CDH10: variants seen among roughly 807,000 people sequenced by gnomAD.
CDH10 encodes cadherin 10.
In CDH10, 30 loss-of-function variants were observed where a neutral mutation model predicts 73.1. The ratio of observed to expected loss-of-function variants is 0.41; its 90% CI spans 0.31 to 0.56. The LOEUF (loss-of-function observed/expected upper bound fraction) is 0.56, where lower values mean the gene tolerates loss of function less well. CDH10 is among the 20% of genes least tolerant of loss of function. The pLI is 0.27. For synonymous variants in CDH10, 345 were observed against 348.2 expected, an observed-to-expected ratio of 0.99 and a Z score of 0.10; for missense variants, 815 against 973.7, an observed-to-expected ratio of 0.84 and a Z score of 2.17.
intron 2 of CDH10, among the ~76,000 whole-genome samples, chr5:24,585,774 A>G (rs1275478686): frequency 1.3e-5 from 2 of 152,076 alleles, no homozygotes; most frequent in African/African-American, 4.8e-5. Context: ...AAACATAATC[A>G]AAGGTCATTT....
At chr5:24,593,158 G>C in intron 2 of CDH10, 102 bp downstream of exon 2, 2 of 675,976 alleles carry the variant, frequency 3.0e-6, no homozygotes, top group Non-Finnish European at 5.2e-6. Context: ...GAGATTTAAA[G>C]AATCAGATTT....
intron 2 of CDH10, among the ~76,000 whole-genome samples, chr5:24,569,744 T>A (rs1745300031): frequency 6.6e-6 from 1 of 151,938 alleles, no homozygotes; most frequent in African/African-American, 2.4e-5. Flanking sequence ...TCAGTGTGAA[T>A]CTTTATGTGA....
At chr5:24,521,401 G>A (rs143866773) in intron 5 of CDH10, among the ~76,000 whole-genome samples, 1,835 of 152,176 alleles carry the variant, frequency 0.012, 38 homozygotes, top group African/African-American at 0.04. Flanking sequence ...AAAATTAGCC[G>A]GGCATGGTGG....
intron 2 of CDH10, among the ~76,000 whole-genome samples, chr5:24,558,847 C>T (rs1349906282): frequency 6.6e-6 from 1 of 151,764 alleles, no homozygotes; most frequent in Non-Finnish European, 1.5e-5. Flanking sequence ...TTTGCTGTGG[C>T]CTGCCAATAT....
intron 1 of CDH10, among the ~76,000 whole-genome samples, chr5:24,622,712 C>T (rs779205807): frequency 1.5e-4 from 23 of 152,004 alleles, no homozygotes; most frequent in Non-Finnish European, 2.9e-4. Context: ...AGCAGGGAGG[C>T]TCTCAATATT....
At chr5:24,581,932 A>C (rs1334928560) in intron 2 of CDH10, among the ~76,000 whole-genome samples, 8 of 152,234 alleles carry the variant, frequency 5.3e-5, no homozygotes, top group Admixed American at 5.2e-4. Context: ...GAGAATAAAA[A>C]AGATATTTTT....
At chr5:24,615,605 A>C (rs1249531543) in intron 1 of CDH10, among the ~76,000 whole-genome samples, 1 of 152,200 alleles carries the variant, frequency 6.6e-6, no homozygotes, top group Non-Finnish European at 1.5e-5. Flanking sequence ...CTTCCCTATA[A>C]ACTCCTACAT....
In CDH10 at chr5:24,538,800, T is replaced by C. The variant is rs919278600; in HGVS notation, c.232-1126A>G. On this transcript the variant is annotated intron_variant, in intron 2 of 11. Coordinates refer to ENST00000264463, the MANE Select transcript of CDH10 (RefSeq NM_006727.5). ...TGGACAGGCAGTTGCCAGATGGGTA[T>C]ACCTCCTGCCCTATATAGAATTCTT... Among the ~76,000 whole-genome samples the C allele has an allele frequency of 5.3e-5, 8 of 152,004 alleles. No homozygotes were observed. In the East Asian group the frequency reaches 1.4e-3, roughly 26 times the overall value.
intron 2 of CDH10, among the ~76,000 whole-genome samples, chr5:24,591,870 T>C (rs1247648677): frequency 6.6e-6 from 1 of 151,936 alleles, no homozygotes; most frequent in Non-Finnish European, 1.5e-5. Context: ...CATAAAGTAC[T>C]AGATGAAGGG....
intron 2 of CDH10, among the ~76,000 whole-genome samples, chr5:24,559,960 C>T (rs980983692): frequency 2.6e-5 from 4 of 152,010 alleles, no homozygotes; most frequent in Non-Finnish European, 4.4e-5. Flanking sequence ...TGACTTTATA[C>T]TATTTTGCTT....
intron 1 of CDH10, among the ~76,000 whole-genome samples, chr5:24,632,251 G>A (rs1747725730): frequency 6.6e-6 from 1 of 151,890 alleles, no homozygotes; most frequent in Non-Finnish European, 1.5e-5. Context: ...AAAAACCTTT[G>A]CCCTAAAATA....
intron 2 of CDH10, among the ~76,000 whole-genome samples, chr5:24,581,673 T>C (rs1221326552): frequency 6.6e-6 from 1 of 152,134 alleles, no homozygotes; most frequent in Non-Finnish European, 1.5e-5. Flanking sequence ...ATAGACATCC[T>C]GAAGAAACTA....
At chr5:24,543,237 A>C (rs1744222155) in intron 2 of CDH10, among the ~76,000 whole-genome samples, 3 of 152,192 alleles carry the variant, frequency 2.0e-5, no homozygotes, top group African/African-American at 7.2e-5. Context: ...CATTCAGAAT[A>C]TTGATACCAT....
At chr5:24,525,058 T>A (rs1241923714) in intron 5 of CDH10, among the ~76,000 whole-genome samples, 2 of 152,004 alleles carry the variant, frequency 1.3e-5, no homozygotes, top group Non-Finnish European at 2.9e-5. Context: ...GTAAGCGACT[T>A]TGGAGGAAAG....
chr5:24,509,135 T>C (rs1561130508), intron 7 of CDH10, among the ~76,000 whole-genome samples: 1 of 151,910 alleles, frequency 6.6e-6, no homozygotes, highest in Non-Finnish European at 1.5e-5. Flanking sequence ...CTCTTGTATC[T>C]TCCATCGCAT....
At chr5:24,550,090 G>A (rs571692352) in intron 2 of CDH10, among the ~76,000 whole-genome samples, 7 of 152,204 alleles carry the variant, frequency 4.6e-5, no homozygotes, top group African/African-American at 1.7e-4. Context: ...CAAATATGTG[G>A]TAAATATAAA....
intron 1 of CDH10, among the ~76,000 whole-genome samples, chr5:24,632,906 G>A (rs77414224): frequency 0.03 from 4,533 of 151,770 alleles, 235 homozygotes; most frequent in African/African-American, 0.1. Flanking sequence ...TGATGATGAT[G>A]ATAATGATGA....
In CDH10 at chr5:24,509,572, G is replaced by C. The variant is rs1742821137; in HGVS notation, c.1250C>G (p.Pro417Arg). ...TTTTAAAAGGCACACTTACCTAATG[G>C]GGCTGGAAATAGAATCTGGGTCCCT... is the stretch of plus-strand genomic sequence containing the variant. ...MARDPDSISSPIRFSLDRHTD... is the reference protein window; with the variant it reads ...MARDPDSISSRIRFSLDRHTD... The change falls in exon 7 of 12, where the codon CCC becomes CGC. Residue 417 changes from proline to arginine, a missense_variant. Physicochemically the swap from Pro to Arg is moderately radical, Grantham distance 103. Around this residue, in one of 3 missense-constraint regions of CDH10, gnomAD observed 516 missense variants for 636.6 expected, o/e 0.81. Transcript: ENST00000264463. The C allele has an allele frequency of 6.2e-7, 1 of 1,613,626 alleles. No homozygotes were observed. The highest frequency in any genetic ancestry group is 8.5e-7 in the Non-Finnish European group (1 of 1,179,850).
intron 9 of CDH10, among the ~76,000 whole-genome samples, chr5:24,495,209 A>C (rs1022116706): frequency 6.6e-6 from 1 of 152,172 alleles, no homozygotes; most frequent in African/African-American, 2.4e-5. Flanking sequence ...ATTTTGGTCC[A>C]TTTCCAATAA....
Sources: gnomAD v4.1 joint callset for allele counts (sites outside exome capture counted in the v4.1 genomes callset) on GRCh38, gnomAD v4.1.1 for gene constraint, gnomAD v4.1.1 regional missense constraint, MANE v1.5 for transcripts, NCBI Gene and HGNC (gene_info 2026-07-23, HGNC 2026-07-21) for gene names.